Variants in WIZ observed in about 807,000 individuals in gnomAD.
The protein encoded by WIZ is protein Wiz.
Under a neutral mutation model 140.2 loss-of-function variants are expected in WIZ, and 25 were observed. That is an observed-to-expected ratio of 0.18 (90% CI 0.13 to 0.25). WIZ has a LOEUF of 0.25. Among genes scored for constraint, WIZ ranks in the 10% least tolerant of loss-of-function variants. WIZ has a pLI of 1.00. For synonymous variants in WIZ, 1,125 were observed against 1,154.3 expected, an observed-to-expected ratio of 0.97 and a Z score of 0.51; for missense variants, 2,231 against 2,632.6, an observed-to-expected ratio of 0.85 and a Z score of 3.34.
rs764175016 is a variant in WIZ, at chr19:15,429,897, C to A, written c.3104G>T (p.Gly1035Val). 120 of 1,535,890 alleles carry A rather than the reference C, an allele frequency of 7.8e-5. 1 individual carries two copies. In the African/African-American group the frequency reaches 1.4e-3, roughly 17 times the overall value. ...CAGTGAGCTGGACTTCTTAGCCAGG[C>A]CTGGGGGCAGCCCAAGGTGGGCGTC... The part of the protein sequence containing the change: ...LPDAHLGLPP[G>V]LAKKSSSLKE... Residue 1035 changes from glycine (G) to valine (V), a missense_variant, in exon 7 of 13, where the codon GGC (glycine) becomes GTC (valine). By Grantham distance (109) the Gly-to-Val change is moderately radical. Transcript: ENST00000673675.
At position 15,424,444 on chromosome 19, in the gene WIZ, A is replaced by G. The variant is rs944862082; in HGVS notation, c.5315-66T>C. On this transcript the variant is annotated intron_variant, in intron 11 of 12. Transcript: ENST00000673675. The surrounding 1 kb of genome is among the most constrained non-coding windows in gnomAD (Gnocchi z 9.7). ...GATGCTGCAGAGACTTGGAATACAC[A>G]AGAGCTGAGGACTGATGCTACCTGG... is the stretch of plus-strand genomic sequence containing the variant. 15 of 1,566,672 alleles carry G rather than the reference A, an allele frequency of 9.6e-6. No homozygotes were observed. The African/African-American group carries it at 2.1e-4, about 22-fold the overall frequency.
chr19:15,448,062 G>A (rs1969979918), intron 2 of WIZ, 41 bp downstream of exon 2: 1 of 1,607,252 alleles, frequency 6.2e-7, no homozygotes, highest in Non-Finnish European at 8.5e-7. Flanking sequence ...TTGGGGAATG[G>A]GCTGGATGCT....
rs1968554644 is a variant in WIZ, at chr19:15,424,164, T to TC, written c.5510+18dup. Reference sequence around the variant, plus strand: ...GGTCCACTCAGGTGGTCTCCCTCCCTCCCCCAGGGGCAGCCTACCTGCATT... The same window carrying TC: ...GGTCCACTCAGGTGGTCTCCCTCCCTCCCCCCAGGGGCAGCCTACCTGCATT... On this transcript the variant is annotated intron_variant, in intron 12 of 12. Transcript: ENST00000673675. The surrounding 1 kb of genome is among the most constrained non-coding windows in gnomAD (Gnocchi z 9.7). The TC allele has an allele frequency of 1.3e-6, 2 of 1,485,578 alleles. No homozygotes were observed. Among genetic ancestry groups the TC allele is most frequent in the South Asian group, 2.8e-5 (2 of 72,108 alleles). The allele number at this position is 1,485,578 out of a possible 1,614,324, so 92.0% of individuals were successfully genotyped here.
chr19:15,438,480 C>T, intron 4 of WIZ, 98 bp downstream of exon 4: 2 of 1,320,020 alleles, frequency 1.5e-6, no homozygotes, highest in Non-Finnish European at 2.0e-6. Context: ...GCAGAGGCCC[C>T]AGTGTCCCCC....
intron 3 of WIZ, among the ~76,000 whole-genome samples, chr19:15,441,520 G>T (rs985608998): frequency 1.3e-5 from 2 of 152,180 alleles, no homozygotes; most frequent in African/African-American, 2.4e-5. Flanking sequence ...CAGGGTGTAG[G>T]GTGAAGATGA....
At position 15,422,803 on chromosome 19, in the gene WIZ, G is replaced by A; in HGVS notation, c.*273C>T. The A allele has an allele frequency of 1.9e-6, 1 of 527,390 alleles. No homozygotes were observed. The highest frequency in any genetic ancestry group is 3.4e-6 in the Non-Finnish European group (1 of 296,666). 32.7% of individuals were successfully genotyped at this position (527,390 alleles called of 1,614,324 possible). ...GTCCTCCCCTGTGACCAGACCGGCT[G>A]CCATCAGAGACCTGGCTGCTGCCCC... On this transcript the variant is annotated 3_prime_UTR_variant, in exon 13 of 13. Coordinates refer to ENST00000673675, the MANE Select transcript of WIZ (RefSeq NM_001371589.1).
intron 6 of WIZ, 140 bp downstream of exon 6, chr19:15,430,872 G>T: frequency 9.3e-7 from 1 of 1,079,792 alleles, no homozygotes; most frequent in Non-Finnish European, 1.3e-6. Flanking sequence ...ACAGCTGAGT[G>T]CCAACCTTGG....
chr19:15,437,934 C>T (rs535777398), intron 4 of WIZ, among the ~76,000 whole-genome samples: 7 of 152,292 alleles, frequency 4.6e-5, no homozygotes, highest in Admixed American at 3.3e-4. Flanking sequence ...CCTGCTCACT[C>T]GGTGTCGTCA....
In WIZ at chr19:15,427,478, G is replaced by A. The variant is rs372801725; in HGVS notation, c.3870C>T (p.Phe1290=). Residue 1290 remains phenylalanine, a synonymous_variant, in exon 9 of 13, where the codon TTC becomes TTT. Coordinates refer to ENST00000673675, the MANE Select transcript of WIZ (RefSeq NM_001371589.1). This position sits in a 1 kb window ranked among gnomAD's most constrained non-coding sequence, Gnocchi z 6.4. The stretch of plus-strand genomic sequence containing the variant: ...GGCTCGAGAGGCCCTTGCGGTTCTC[G>A]AAGAACTCACCACAGAACTCGCAGC... ...DIRCEFCGEF[F]ENRKGLSSHA... 106 of 1,613,046 alleles carry A rather than the reference G, an allele frequency of 6.6e-5. No individual in the cohort carries two copies. Among genetic ancestry groups the A allele is most frequent in the Non-Finnish European group, 8.7e-5 (103 of 1,179,856 alleles).
intron 9 of WIZ, among the ~76,000 whole-genome samples, chr19:15,426,604 CAGAA>C (rs1377980855): frequency 6.6e-6 from 1 of 152,198 alleles, no homozygotes; most frequent in Non-Finnish European, 1.5e-5. Context: ...CCAAAAATGT[CAGAA>C]AGACACAGTT....
At chr19:15,429,501 GCCCT>G in intron 7 of WIZ, 81 bp downstream of exon 7, 1 of 1,175,026 alleles carries the variant, frequency 8.5e-7, no homozygotes, top group African/African-American at 1.6e-5. Context: ...CCCACCCTGG[GCCCT>G]GTCCCTGGGC....
At position 15,442,932 on chromosome 19, in the gene WIZ, C is replaced by T. The variant is rs1969794766; in HGVS notation, c.206-184G>A. 6.6e-6 allele frequency among the ~76,000 whole-genome samples: 1 copy of T among 152,134 alleles called. No individual in the cohort carries two copies. The highest frequency in any genetic ancestry group is 1.9e-4 in the East Asian group (1 of 5,174). On this transcript the variant is annotated intron_variant, in intron 2 of 12. Transcript: ENST00000673675. This position sits in a 1 kb window ranked among gnomAD's most constrained non-coding sequence, Gnocchi z 5.5. ...AAAGGGGTTTCTTTGGAAGAGTCCCCTTGGCTCTCCTGGGGGACCCCAGGG... is the reference window on the plus strand; with the variant it reads ...AAAGGGGTTTCTTTGGAAGAGTCCCTTTGGCTCTCCTGGGGGACCCCAGGG...
rs1338646829 is a variant in WIZ at position 15,440,244 on chromosome 19, G to A, written c.750C>T (p.Ser250=). ...LEDLEGLAQP[S]EWGLPTSASE... is the part of the protein sequence containing the mutation. The stretch of plus-strand genomic sequence containing the variant: ...AGGCTGACGTGGGTAGGCCCCACTC[G>A]GACGGCTGGGCCAGCCCCTCCAGGT... Residue 250 remains serine (S), a synonymous_variant, in exon 4 of 13, where the codon TCC becomes TCT. Transcript: ENST00000673675. This position sits in a 1 kb window ranked among gnomAD's most constrained non-coding sequence, Gnocchi z 6.2. 8 of 1,494,476 alleles carry A rather than the reference G, an allele frequency of 5.4e-6. No individual in the cohort carries two copies. Among genetic ancestry groups the A allele is most frequent in the South Asian group, 1.3e-5 (1 of 78,120 alleles). The allele number at this position is 1,494,476 out of a possible 1,614,324, so 92.6% of individuals were successfully genotyped here. A position where few individuals can be genotyped will look rare whatever the true frequency, so the allele number is the denominator to read the frequency against.
At chr19:15,448,033 A>G in intron 2 of WIZ, 70 bp downstream of exon 2, 1 of 1,567,600 alleles carries the variant, frequency 6.4e-7, no homozygotes, top group South Asian at 1.1e-5. Flanking sequence ...GCGCTGGGTG[A>G]CTTGACTCTC....
intron 5 of WIZ, chr19:15,432,420 G>A (rs1969311635): frequency 4.1e-6 from 4 of 983,300 alleles, no homozygotes; most frequent in Non-Finnish European, 3.6e-6. Context: ...ACCCTCCCAA[G>A]CGCGGGCTCT....
chr19:15,437,620 C>T (rs1005549826), intron 4 of WIZ, among the ~76,000 whole-genome samples: 1 of 152,212 alleles, frequency 6.6e-6, no homozygotes, highest in African/African-American at 2.4e-5. Context: ...TGCCCCATGG[C>T]ACTCCAGCCT....
chr19:15,436,642 C>A (rs1969523777), intron 5 of WIZ, 164 bp downstream of exon 5: 2 of 675,768 alleles, frequency 3.0e-6, no homozygotes, highest in African/African-American at 1.9e-5. Context: ...AGAAAGGACA[C>A]CTAAATAGCA....
Position 15,425,027 on chromosome 19 carries a change from C to T in WIZ, c.4900G>A (p.Glu1634Lys), listed in dbSNP as rs1297997347. 1.9e-6 allele frequency: 3 copies of T among 1,579,500 alleles called. No homozygotes were observed. Among genetic ancestry groups the T allele is most frequent in the African/African-American group, 1.3e-5 (1 of 74,504 alleles). Residue 1634 changes from glutamate to lysine, a missense_variant, in exon 11 of 13, where the codon GAG becomes AAG. Coordinates refer to ENST00000673675, the MANE Select transcript of WIZ (RefSeq NM_001371589.1). ...AGGCCACACAGCTCGCAGCAGGCCT[C>T]GGTGGCTGCGGGGCGGAGGGGGTGC... ...LHEKTSHSST[E>K]ACCELCGLYF...
intron 5 of WIZ, chr19:15,432,543 GGGC>G (rs1381051584): frequency 1.3e-5 from 9 of 686,532 alleles, no homozygotes; most frequent in African/African-American, 3.9e-5. Context: ...GCGGGGGTGG[GGGC>G]GGCGGCGGCG....
Sources: allele counts gnomAD v4.1 joint callset (sites outside exome capture counted in the v4.1 genomes callset), GRCh38; gene constraint gnomAD v4.1.1; non-coding constraint Gnocchi (gnomAD v3.1); transcripts MANE v1.5; gene names NCBI Gene and HGNC (gene_info 2026-07-23, HGNC 2026-07-21).